EXT1: variants seen among roughly 807,000 people sequenced by gnomAD.
EXT1 encodes exostosin glycosyltransferase 1.
In EXT1, 20 loss-of-function variants were observed where a neutral mutation model predicts 82.5. The ratio of observed to expected loss-of-function variants is 0.24; its 90% CI spans 0.17 to 0.35. EXT1 has a LOEUF of 0.35. Ranked by LOEUF, EXT1 falls within the 10% of genes least tolerant of loss-of-function variation. The pLI, the probability that EXT1 is intolerant of heterozygous loss-of-function variation, is 1.00. For missense variants in EXT1, 757 were observed against 936.5 expected (o/e 0.81, Z 2.50); for synonymous variants, 348 against 350.8 (o/e 0.99, Z 0.09).
At chr8:118,073,705 A>AAGAGG (rs1432260667) in intron 1 of EXT1, among the ~76,000 whole-genome samples, 3,679 of 102,276 alleles carry the variant, frequency 0.036, 269 homozygotes, top group East Asian at 0.092. Context: ...AAGAGAAGAG[A>AAGAGG]AGCCTCTTAA....
intron 1 of EXT1, among the ~76,000 whole-genome samples, chr8:117,951,693 T>C (rs909685490): frequency 3.9e-5 from 6 of 152,238 alleles, no homozygotes; most frequent in African/African-American, 1.4e-4. Flanking sequence ...CCACTTCCTC[T>C]GCTGGTAGCA....
intron 1 of EXT1, among the ~76,000 whole-genome samples, chr8:117,883,043 T>C (rs539646951): frequency 1.3e-5 from 2 of 150,784 alleles, no homozygotes; most frequent in South Asian, 2.1e-4. Context: ...CAAAGAGAAT[T>C]TGTTGTCTGG....
chr8:117,955,641 C>T (rs1377165475), intron 1 of EXT1, among the ~76,000 whole-genome samples: 1 of 151,966 alleles, frequency 6.6e-6, no homozygotes, highest in Non-Finnish European at 1.5e-5. Flanking sequence ...CTGCAACCTC[C>T]ACCTCCCGGG....
At chr8:118,077,272 TC>T (rs1019386118) in intron 1 of EXT1, among the ~76,000 whole-genome samples, 1 of 152,178 alleles carries the variant, frequency 6.6e-6, no homozygotes, top group Admixed American at 6.5e-5. Context: ...CTTTCCACAG[TC>T]CCCTAGGCCT....
intron 1 of EXT1, among the ~76,000 whole-genome samples, chr8:117,876,483 C>A (rs1022654241): frequency 6.6e-6 from 1 of 152,172 alleles, no homozygotes; most frequent in African/African-American, 2.4e-5. Flanking sequence ...AAATGTTCCA[C>A]ATATGTGGTC....
At chr8:117,946,363 T>C (rs1486934369) in intron 1 of EXT1, among the ~76,000 whole-genome samples, 1 of 132,170 alleles carries the variant, frequency 7.6e-6, no homozygotes, top group African/African-American at 2.5e-5. Context: ...TTTTTTGTTT[T>C]TTACTTTATG....
chr8:117,965,116 C>T (rs1385448953), intron 1 of EXT1, among the ~76,000 whole-genome samples: 1 of 150,942 alleles, frequency 6.6e-6, no homozygotes, highest in African/African-American at 2.4e-5. Context: ...GCTTGAGATA[C>T]GTAGTGTCTT....
At chr8:117,925,450 C>T (rs1813935103) in intron 1 of EXT1, among the ~76,000 whole-genome samples, 1 of 151,882 alleles carries the variant, frequency 6.6e-6, no homozygotes, top group South Asian at 2.1e-4. Flanking sequence ...AGAAAAGTAT[C>T]TTGCTCTCAA....
chr8:117,875,689 C>A (rs948113099), intron 1 of EXT1, among the ~76,000 whole-genome samples: 1 of 151,842 alleles, frequency 6.6e-6, no homozygotes, highest in Non-Finnish European at 1.5e-5. Flanking sequence ...AAAAATTATC[C>A]GTTGCCAAGT....
intron 1 of EXT1, among the ~76,000 whole-genome samples, chr8:117,992,831 T>C (rs1279961580): frequency 6.6e-6 from 1 of 152,228 alleles, no homozygotes; most frequent in Admixed American, 6.5e-5. Context: ...GTAGACCCTG[T>C]ATCTAAGTCT....
intron 1 of EXT1, among the ~76,000 whole-genome samples, chr8:117,888,041 C>T (rs137856498): frequency 0.043 from 6,480 of 151,506 alleles, 441 homozygotes; most frequent in African/African-American, 0.14. Context: ...GCTGAGATCA[C>T]GCCATTGCAC....
At chr8:117,964,766 T>A (rs961064671) in intron 1 of EXT1, among the ~76,000 whole-genome samples, 2 of 152,062 alleles carry the variant, frequency 1.3e-5, no homozygotes, top group Non-Finnish European at 2.9e-5. Context: ...GCCTCCCGAG[T>A]AGCTAGGATT....
At chr8:117,846,658 A>G (rs960305866) in intron 1 of EXT1, among the ~76,000 whole-genome samples, 10 of 152,172 alleles carry the variant, frequency 6.6e-5, no homozygotes, top group Middle Eastern at 3.2e-3. Flanking sequence ...CACAGGCCCA[A>G]TGGTGATGGG....
intron 1 of EXT1, among the ~76,000 whole-genome samples, chr8:118,047,247 T>A (rs760137890): frequency 1.3e-5 from 2 of 152,178 alleles, no homozygotes; most frequent in Non-Finnish European, 2.9e-5. Context: ...ACTCCACTAA[T>A]TACTAATAAC....
chr8:118,083,443 A>C (rs1817366226), intron 1 of EXT1, among the ~76,000 whole-genome samples: 1 of 152,206 alleles, frequency 6.6e-6, no homozygotes, highest in Admixed American at 6.5e-5. Context: ...ATAAGTGTTT[A>C]ATGATTCAGG....
intron 1 of EXT1, among the ~76,000 whole-genome samples, chr8:118,100,229 G>A (rs17506357): frequency 0.02 from 3,107 of 152,256 alleles, 104 homozygotes; most frequent in African/African-American, 0.062. Flanking sequence ...AAAGGAGCCT[G>A]GCCCAGGTAT....
chr8:117,848,029 G>A (rs575865252), intron 1 of EXT1, among the ~76,000 whole-genome samples: 1 of 152,220 alleles, frequency 6.6e-6, no homozygotes, highest in Non-Finnish European at 1.5e-5. Context: ...CTGAGCCTTT[G>A]GTACCGAATA....
At chr8:117,930,935 G>A (rs1186003406) in intron 1 of EXT1, among the ~76,000 whole-genome samples, 1 of 152,180 alleles carries the variant, frequency 6.6e-6, no homozygotes, top group East Asian at 1.9e-4. Context: ...TAATTGTATT[G>A]CATTAGCATG....
At chr8:118,059,252 G>A (rs528066066) in intron 1 of EXT1, among the ~76,000 whole-genome samples, 9 of 152,250 alleles carry the variant, frequency 5.9e-5, no homozygotes, top group Admixed American at 2.0e-4. Flanking sequence ...TATTTGTAGA[G>A]TACACTGAAT....
Sources: allele counts gnomAD v4.1 joint callset (sites outside exome capture counted in the v4.1 genomes callset), GRCh38; gene constraint gnomAD v4.1.1; transcripts MANE v1.5; gene names NCBI Gene and HGNC (gene_info 2026-07-23, HGNC 2026-07-21).